CATSPERE: variants seen among roughly 807,000 people sequenced by gnomAD.
CATSPERE encodes cation channel sperm-associated auxiliary subunit epsilon.
A neutral mutation model predicts 114.1 loss-of-function variants in CATSPERE; 93 were observed. That is an observed-to-expected ratio of 0.81 (90% CI 0.69 to 0.97). The LOEUF (loss-of-function observed/expected upper bound fraction) is 0.97, where lower values mean the gene tolerates loss of function less well. Ranked by LOEUF, CATSPERE falls within the 50% of genes least tolerant of loss-of-function variation. The probability of loss-of-function intolerance (pLI) is 0.00; values close to 1 mark genes in which losing one functional copy is unlikely to be tolerated. For missense variants in CATSPERE, 1,058 were observed against 1,131.6 expected (o/e 0.93, Z 0.93); for synonymous variants, 341 against 384.1 (o/e 0.89, Z 1.31).
intron 8 of CATSPERE, among the ~76,000 whole-genome samples, chr1:244,535,722 G>A (rs559437741): frequency 1.2e-4 from 19 of 152,212 alleles, no homozygotes; most frequent in East Asian, 5.8e-4. Flanking sequence ...AACCAATGCC[G>A]GGAACTGGGG....
At chr1:244,458,839 C>T (rs1434691393), upstream of CATSPERE, among the ~76,000 whole-genome samples, 2 of 152,150 alleles carry the variant, frequency 1.3e-5, no homozygotes, top group African/African-American at 4.8e-5. Context: ...TTTACCAAGG[C>T]TTTGACTGGA....
At chr1:244,497,839 C>T (rs554861069) in intron 6 of CATSPERE, among the ~76,000 whole-genome samples, 1 of 152,086 alleles carries the variant, frequency 6.6e-6, no homozygotes, top group African/African-American at 2.4e-5. Flanking sequence ...TACCACAGTA[C>T]CATTTTTCAT....
chr1:244,542,300 A>G (rs1658953922), intron 8 of CATSPERE, among the ~76,000 whole-genome samples: 1 of 151,904 alleles, frequency 6.6e-6, no homozygotes, highest in African/African-American at 2.4e-5. Context: ...CTGAGTGGCG[A>G]CTCTACCACG....
intron 8 of CATSPERE, among the ~76,000 whole-genome samples, chr1:244,519,764 A>G (rs1572527159): frequency 6.6e-6 from 1 of 152,234 alleles, no homozygotes; most frequent in Non-Finnish European, 1.5e-5. Flanking sequence ...AAACTATTGT[A>G]AAATAAAAAT....
At chr1:244,590,546 G>A (rs995596736) in intron 14 of CATSPERE, among the ~76,000 whole-genome samples, 2 of 152,060 alleles carry the variant, frequency 1.3e-5, no homozygotes, top group African/African-American at 4.8e-5. Flanking sequence ...CAATATTTTT[G>A]TCACCCCAAA....
In CATSPERE at chr1:244,633,819, C is replaced by T. The variant is rs373722993; in HGVS notation, c.2649-1670C>T. Among the ~76,000 whole-genome samples, 11 of 152,082 alleles carry T rather than the reference C, an allele frequency of 7.2e-5. No homozygotes were observed. Among genetic ancestry groups the T allele is most frequent in the East Asian group, 1.9e-4 (1 of 5,178 alleles). ...AACCTTTAGGACTCAACACAAGCCT[C>T]TTTGCCGTGCTGTGAAAATTCCTGT... On this transcript the variant is annotated intron_variant, in intron 20 of 21. Coordinates refer to ENST00000366534, the MANE Select transcript of CATSPERE (RefSeq NM_001130957.2). This position sits in a 1 kb window ranked among gnomAD's most constrained non-coding sequence, Gnocchi z 4.1.
chr1:244,507,982 A>G, intron 7 of CATSPERE, among the ~76,000 whole-genome samples: 1 of 150,566 alleles, frequency 6.6e-6, no homozygotes. Context: ...GAATTTTAGG[A>G]TTTTTTTTTC....
chr1:244,489,008 T>G (rs1009027376), intron 5 of CATSPERE, among the ~76,000 whole-genome samples: 17 of 152,222 alleles, frequency 1.1e-4, no homozygotes, highest in African/African-American at 4.1e-4. Flanking sequence ...TGGAAGGACA[T>G]AGTCATGAGG....
chr1:244,477,560 G>GA lies in CATSPERE; in HGVS notation c.136dup (p.Thr46AsnfsTer5). 6.3e-7 allele frequency: 1 copy of GA among 1,596,220 alleles called. No individual in the cohort carries two copies. The highest frequency in any genetic ancestry group is 8.6e-7 in the Non-Finnish European group (1 of 1,165,536). The stretch of plus-strand genomic sequence containing the variant: ...TTTTAGATTAAGTTAGAGTATGAAG[G>GA]AACATTATTTACTGAGTGGAGTGTG... On this transcript the variant is annotated frameshift_variant, in exon 3 of 22. Coordinates refer to ENST00000366534, the MANE Select transcript of CATSPERE (RefSeq NM_001130957.2). LOFTEE classifies it high-confidence loss of function.
At chr1:244,560,380 C>T (rs1662356927) in intron 9 of CATSPERE, among the ~76,000 whole-genome samples, 1 of 124,264 alleles carries the variant, frequency 8.0e-6, no homozygotes, top group Non-Finnish European at 1.6e-5. Context: ...AAGAATGATA[C>T]AATGGACTTT....
chr1:244,561,872 C>A (rs1662609972), intron 10 of CATSPERE, among the ~76,000 whole-genome samples: 1 of 152,092 alleles, frequency 6.6e-6, no homozygotes, highest in South Asian at 2.1e-4. Context: ...TCCTGTGAGG[C>A]CAGGCGTGGT....
At chr1:244,518,465 C>A in intron 7 of CATSPERE, 127 bp from the exon 8 acceptor site, 1 of 609,992 alleles carries the variant, frequency 1.6e-6, no homozygotes. Flanking sequence ...GAATCTTGAG[C>A]ACATGGTAAA....
intron 8 of CATSPERE, among the ~76,000 whole-genome samples, chr1:244,527,855 G>A (rs80015828): frequency 0.13 from 19,571 of 152,120 alleles, 2,196 homozygotes; most frequent in African/African-American, 0.3. Flanking sequence ...GGCTCTAGCA[G>A]TCCTCCCATC....
intron 20 of CATSPERE, among the ~76,000 whole-genome samples, chr1:244,625,406 T>TAATATATATATATATATATATATA (rs74162779): frequency 7.8e-5 from 1 of 12,870 alleles, no homozygotes; most frequent in African/African-American, 3.0e-4. Flanking sequence ...TTATTATTAT[T>TAATATATATATATATATATATATA]TATATATATA....
At chr1:244,479,643 C>A in intron 4 of CATSPERE, 74 bp from the exon 5 acceptor site, 2 of 835,602 alleles carry the variant, frequency 2.4e-6, no homozygotes, top group Non-Finnish European at 3.9e-6. Flanking sequence ...TCCTCTGTGA[C>A]TTCTGTGGCT....
At chr1:244,609,007 G>A (rs1670366245) in intron 18 of CATSPERE, among the ~76,000 whole-genome samples, 1 of 151,856 alleles carries the variant, frequency 6.6e-6, no homozygotes, top group African/African-American at 2.4e-5. Flanking sequence ...CCAACATGGT[G>A]AAACCCTGTC....
chr1:244,587,451 G>T (rs1216222815), intron 13 of CATSPERE, among the ~76,000 whole-genome samples: 1 of 152,200 alleles, frequency 6.6e-6, no homozygotes, highest in African/African-American at 2.4e-5. Flanking sequence ...GAACAGCCTG[G>T]CTATATGATG....
intron 7 of CATSPERE, among the ~76,000 whole-genome samples, chr1:244,515,080 G>A (rs188967690): frequency 1.3e-4 from 20 of 152,264 alleles, no homozygotes; most frequent in South Asian, 2.1e-4. Flanking sequence ...ATTGTACTAA[G>A]AATAAAATCT....
intron 21 of CATSPERE, among the ~76,000 whole-genome samples, chr1:244,639,307 T>C (rs1675036702): frequency 6.6e-6 from 1 of 152,190 alleles, no homozygotes; most frequent in African/African-American, 2.4e-5. Context: ...CTCCCACTCA[T>C]ACTCATACCA....
Sources: gnomAD v4.1 joint callset for allele counts (sites outside exome capture counted in the v4.1 genomes callset) on GRCh38, gnomAD v4.1.1 for gene constraint, Gnocchi (gnomAD v3.1) non-coding constraint, MANE v1.5 for transcripts, NCBI Gene and HGNC (gene_info 2026-07-23, HGNC 2026-07-21) for gene names.